The following ARHGEF3 variants were observed in gnomAD, a reference collection of about 807,000 sequenced individuals.
ARHGEF3 encodes Rho guanine nucleotide exchange factor 3, also known as 59.8 kDA protein.
In ARHGEF3, 28 loss-of-function variants were observed where a neutral mutation model predicts 63.2. The ratio of observed to expected loss-of-function variants is 0.44; its 90% CI spans 0.33 to 0.61. The LOEUF (loss-of-function observed/expected upper bound fraction) is 0.61, where lower values mean the gene tolerates loss of function less well. Ranked by LOEUF, ARHGEF3 falls within the 20% of genes least tolerant of loss-of-function variation. The pLI is 0.03. For missense variants in ARHGEF3, 533 were observed against 659.3 expected (o/e 0.81, Z 2.10); for synonymous variants, 266 against 254.2 (o/e 1.05, Z -0.44).
chr3:56,936,267 GGTCA>G, intron 3 of ARHGEF3, among the ~76,000 whole-genome samples: 1 of 152,060 alleles, frequency 6.6e-6, no homozygotes, highest in Admixed American at 6.6e-5. Context: ...AGAACCTATA[GGTCA>G]GTAACAAGTG....
intron 2 of ARHGEF3, among the ~76,000 whole-genome samples, chr3:56,759,350 T>C (rs919732728): frequency 1.3e-4 from 20 of 151,782 alleles, no homozygotes; most frequent in Admixed American, 1.2e-3. Flanking sequence ...GCTAATTTTT[T>C]TGTATTTTTA....
chr3:56,882,232 T>C, intron 4 of ARHGEF3: 1 of 1,483,510 alleles, frequency 6.7e-7, no homozygotes, highest in Non-Finnish European at 9.2e-7. Context: ...TATTAACAAA[T>C]AACCTTCGGA....
chr3:56,972,471 T>A (rs571654970), intron 2 of ARHGEF3, among the ~76,000 whole-genome samples: 1 of 152,126 alleles, frequency 6.6e-6, no homozygotes, highest in African/African-American at 2.4e-5. Flanking sequence ...AAAATATAGT[T>A]CCTCTTCTCT....
At chr3:57,019,116 G>A (rs947083265) in intron 2 of ARHGEF3, among the ~76,000 whole-genome samples, 1 of 152,190 alleles carries the variant, frequency 6.6e-6, no homozygotes, top group Admixed American at 6.5e-5. Context: ...CATCCTCCTG[G>A]CCTCCAGCCT....
At chr3:56,986,912 T>C (rs1464221818) in intron 2 of ARHGEF3, among the ~76,000 whole-genome samples, 1 of 152,038 alleles carries the variant, frequency 6.6e-6, no homozygotes, top group Non-Finnish European at 1.5e-5. Flanking sequence ...GGTGAAGTGA[T>C]GTTTAAAACA....
upstream of ARHGEF3, among the ~76,000 whole-genome samples, chr3:56,802,576 C>A (rs1484470437): frequency 6.6e-6 from 1 of 152,176 alleles, no homozygotes; most frequent in Admixed American, 6.5e-5. Context: ...ATTTCCACCA[C>A]CCCCGGAAAA....
At chr3:56,848,421 A>T (rs1320275534) in intron 4 of ARHGEF3, among the ~76,000 whole-genome samples, 1 of 152,162 alleles carries the variant, frequency 6.6e-6, no homozygotes, top group Non-Finnish European at 1.5e-5. Context: ...GGTCTCCCCA[A>T]CTGTACAATG....
chr3:56,730,102 G>A (rs6776992), intron 9 of ARHGEF3, among the ~76,000 whole-genome samples: 26,415 of 152,054 alleles, frequency 0.17, 2,467 homozygotes, highest in South Asian at 0.39. Context: ...CCCTTTTTTA[G>A]AGATTCTGAT....
chr3:56,882,474 A>G, intron 3 of ARHGEF3: 1 of 770,116 alleles, frequency 1.3e-6, no homozygotes, highest in Middle Eastern at 2.7e-4. Context: ...CATGGTACCC[A>G]AAACCTTTAA....
At chr3:56,850,032 C>T (rs1489877567) in intron 4 of ARHGEF3, among the ~76,000 whole-genome samples, 3 of 151,958 alleles carry the variant, frequency 2.0e-5, no homozygotes, top group African/African-American at 7.3e-5. Context: ...ATTACCCTTC[C>T]CCCGCACCCA....
intron 2 of ARHGEF3, among the ~76,000 whole-genome samples, chr3:57,001,268 T>C (rs570975079): frequency 2.6e-5 from 4 of 152,370 alleles, no homozygotes; most frequent in African/African-American, 7.2e-5. Context: ...TGAAATGTTA[T>C]ACATTTTAGA....
At chr3:56,791,185 T>C (rs1246296254) in intron 1 of ARHGEF3, among the ~76,000 whole-genome samples, 2 of 152,136 alleles carry the variant, frequency 1.3e-5, no homozygotes, top group African/African-American at 4.8e-5. Context: ...GGAGGATTAC[T>C]TGAACCCCGG....
At chr3:57,030,661 T>C (rs55849390) in intron 2 of ARHGEF3, among the ~76,000 whole-genome samples, 25,943 of 151,996 alleles carry the variant, frequency 0.17, 2,568 homozygotes, top group East Asian at 0.4. Context: ...CTGAGGAAAC[T>C]GTTCAGAAAT....
At chr3:56,967,943 TA>T (rs1275833057) in intron 2 of ARHGEF3, among the ~76,000 whole-genome samples, 6 of 63,788 alleles carry the variant, frequency 9.4e-5, no homozygotes, top group Non-Finnish European at 1.6e-4. Flanking sequence ...TAAAATATAT[TA>T]TATATTATAT....
intron 2 of ARHGEF3, among the ~76,000 whole-genome samples, chr3:57,015,061 G>C (rs890776542): frequency 6.8e-6 from 1 of 147,636 alleles, no homozygotes; most frequent in Non-Finnish European, 1.5e-5. Context: ...ATTATTAATT[G>C]TCTAAACCAG....
chr3:56,803,115 C>T (rs2107976338), upstream of ARHGEF3, among the ~76,000 whole-genome samples: 1 of 152,252 alleles, frequency 6.6e-6, no homozygotes, highest in South Asian at 2.1e-4. Flanking sequence ...TACAAGAATC[C>T]ACAGCAAGCT....
At chr3:56,781,497 T>G (rs889180925) in intron 1 of ARHGEF3, among the ~76,000 whole-genome samples, 3 of 152,144 alleles carry the variant, frequency 2.0e-5, no homozygotes, top group Non-Finnish European at 4.4e-5. Context: ...CCACCTGCCT[T>G]GGCCTGCCAA....
intron 1 of ARHGEF3, among the ~76,000 whole-genome samples, chr3:56,789,186 A>G (rs1297279633): frequency 1.3e-5 from 2 of 152,194 alleles, no homozygotes; most frequent in Admixed American, 1.3e-4. Context: ...AGGATGAGAC[A>G]CAAGTCCAAG....
At chr3:56,898,596 TG>T (rs1304876810) in intron 3 of ARHGEF3, 1 of 278,324 alleles carries the variant, frequency 3.6e-6, no homozygotes, top group Non-Finnish European at 8.0e-6. Context: ...GGAGCAAAGA[TG>T]TAAGTATCAG....
Sources: gnomAD v4.1 joint callset for allele counts (sites outside exome capture counted in the v4.1 genomes callset) on GRCh38, gnomAD v4.1.1 for gene constraint, MANE v1.5 for transcripts, NCBI Gene and HGNC (gene_info 2026-07-23, HGNC 2026-07-21) for gene names.